NBPF9: variants seen among roughly 807,000 people sequenced by gnomAD.
The protein encoded by NBPF9 is NBPF family member NBPF9.
In NBPF9, 91 loss-of-function variants were observed where a neutral mutation model predicts 97.8. That is an observed-to-expected ratio of 0.93 (90% CI 0.79 to 1.11). The LOEUF (loss-of-function observed/expected upper bound fraction) is 1.11. Ranked by LOEUF, NBPF9 falls within the 50% of genes least tolerant of loss-of-function variation. The pLI, the probability that NBPF9 is intolerant of heterozygous loss-of-function variation, is 0.00. For synonymous variants in NBPF9, 334 were observed against 359.5 expected, an observed-to-expected ratio of 0.93 and a Z score of 0.80; for missense variants, 992 against 939.5, an observed-to-expected ratio of 1.06 and a Z score of -0.73.
exon 22 of NBPF9, chr1:149,062,154 G>A (rs1396857150): frequency 1.4e-5 from 14 of 1,001,012 alleles, no homozygotes; most frequent in Non-Finnish European, 2.2e-5. Context: ...CACTGCTGTA[G>A]GGCTGGCCTA....
intron 7 of NBPF9, among the ~76,000 whole-genome samples, chr1:149,080,779 AGAAT>A (rs2080361381): frequency 9.0e-6 from 1 of 111,572 alleles, no homozygotes; most frequent in African/African-American, 3.6e-5. Context: ...TAGAAACATC[AGAAT>A]GAAGAACTAA....
At position 149,070,557 on chromosome 1, in the gene NBPF9, A is replaced by C. The variant is rs587660085; in HGVS notation, c.1585+377T>G. ...GAAGCCTGGGGAACGATATTTCCAA[A>C]AACAAAGGCAAGGCTGCCAGCTTCC... On this transcript the variant is annotated intron_variant, in intron 16 of 29. Coordinates refer to ENST00000584027, the Ensembl canonical transcript of NBPF9. Among the ~76,000 whole-genome samples, 13 of 150,520 alleles carry C rather than the reference A, an allele frequency of 8.6e-5. No homozygotes were observed. In the East Asian group the frequency reaches 3.0e-3, roughly 35 times the overall value.
chr1:149,072,997 A>C, intron 13 of NBPF9, 65 bp from the exon 14 acceptor site: 13 of 1,556,322 alleles, frequency 8.4e-6, no homozygotes, highest in Non-Finnish European at 1.2e-5. Context: ...CAAATATTGC[A>C]ACAGAGATTT....
chr1:149,079,277 A>C, intron 8 of NBPF9, 56 bp from the exon 9 acceptor site: 7 of 1,237,952 alleles, frequency 5.7e-6, no homozygotes, highest in Non-Finnish European at 4.7e-6. Context: ...TGATCCGTTC[A>C]AATATTGCAA....
At chr1:149,061,964 A>G (rs2078622521) in intron 22 of NBPF9, 129 bp downstream of exon 22, 7 of 574,526 alleles carry the variant, frequency 1.2e-5, no homozygotes, top group South Asian at 9.6e-5. Context: ...ATTACAACCT[A>G]TATGCGCCCA....
intron 16 of NBPF9, among the ~76,000 whole-genome samples, chr1:149,070,648 A>G (rs1475818890): frequency 1.3e-5 from 2 of 151,756 alleles, no homozygotes; most frequent in African/African-American, 2.4e-5. Context: ...AGATGACAAG[A>G]GATACTGAAT....
chr1:149,086,153 C>A (rs1364573971), intron 5 of NBPF9, among the ~76,000 whole-genome samples: 1 of 149,644 alleles, frequency 6.7e-6, no homozygotes, highest in Non-Finnish European at 1.5e-5. Context: ...TCTATCATTC[C>A]GCGTTTGGGC....
At chr1:149,077,648 TAGG>T (rs1224173412) in intron 10 of NBPF9, among the ~76,000 whole-genome samples, 1 of 152,158 alleles carries the variant, frequency 6.6e-6, no homozygotes, top group African/African-American at 2.4e-5. Context: ...ACTGGACAGA[TAGG>T]AGCTGAGGAG....
At chr1:149,079,341 C>T (rs2080200057) in intron 8 of NBPF9, 120 bp from the exon 9 acceptor site, 1 of 1,108,250 alleles carries the variant, frequency 9.0e-7, no homozygotes, top group South Asian at 1.3e-5. Flanking sequence ...AAGGTCAGCA[C>T]ATGTTGAAAG....
At chr1:149,087,252 G>T (rs1553658818) in intron 5 of NBPF9, among the ~76,000 whole-genome samples, 1 of 148,964 alleles carries the variant, frequency 6.7e-6, no homozygotes, top group Non-Finnish European at 1.5e-5. Context: ...ATATATATGT[G>T]TGTGTGTGTG....
chr1:149,064,961 T>A (rs1575829544), intron 18 of NBPF9: 1 of 531,384 alleles, frequency 1.9e-6, no homozygotes, highest in Non-Finnish European at 3.3e-6. Context: ...CTTTTGTGGG[T>A]GAAAAGTCAG....
In NBPF9 at chr1:149,059,627, ACT is replaced by A. The variant is rs1490219751; in HGVS notation, c.2585+71_2585+72del. 2 of 540,382 alleles carry A rather than the reference ACT, an allele frequency of 3.7e-6. 1 individual carries two copies. Among genetic ancestry groups the A allele is most frequent in the Admixed American group, 5.1e-5 (2 of 39,148 alleles). The allele number at this position is 540,382 out of a possible 1,614,324, so 33.5% of individuals were successfully genotyped here. Reference sequence around the variant, plus strand: ...TCGTTGAAAACGTGACATCAAACACACTCTGGTTTCCCTGAATCTGTTGCCTC... The same window carrying A: ...TCGTTGAAAACGTGACATCAAACACACTGGTTTCCCTGAATCTGTTGCCTC... On this transcript the variant is annotated intron_variant, in intron 25 of 29. Coordinates refer to ENST00000584027, the Ensembl canonical transcript of NBPF9.
intron 18 of NBPF9, chr1:149,064,885 G>T: frequency 1.9e-6 from 1 of 527,056 alleles, no homozygotes; most frequent in Non-Finnish European, 3.4e-6. Context: ...TGATGAGGGG[G>T]TGCAATGAAC....
At chr1:149,074,745 A>G (rs1407803091) in intron 12 of NBPF9, among the ~76,000 whole-genome samples, 1 of 151,318 alleles carries the variant, frequency 6.6e-6, no homozygotes, top group Non-Finnish European at 1.5e-5. Context: ...TCTGTGCCCC[A>G]GGAAGCAGGA....
intron 17 of NBPF9, chr1:149,065,974 A>G (rs1264696645): frequency 1.7e-6 from 1 of 577,412 alleles, no homozygotes; most frequent in Non-Finnish European, 3.1e-6. Context: ...CTTGCAGCAC[A>G]GAGAACTGAC....
At chr1:149,068,038 G>T (rs1183856519) in intron 17 of NBPF9, among the ~76,000 whole-genome samples, 1 of 146,434 alleles carries the variant, frequency 6.8e-6, no homozygotes, top group Non-Finnish European at 1.5e-5. Context: ...AGCTTCATAA[G>T]TGAAGGAGAA....
chr1:149,062,313 C>G, intron 21 of NBPF9, 48 bp from the exon 22 acceptor site: 1 of 619,526 alleles, frequency 1.6e-6, no homozygotes. Context: ...GAATCAGAAA[C>G]CACACAGCCC....
intron 7 of NBPF9, among the ~76,000 whole-genome samples, chr1:149,080,814 C>T (rs1395502714): frequency 7.0e-6 from 1 of 143,168 alleles, no homozygotes; most frequent in Non-Finnish European, 1.5e-5. Context: ...TTACACTGTG[C>T]CAATTAATGT....
At chr1:149,099,620 A>C (rs1260883707) in intron 3 of NBPF9, among the ~76,000 whole-genome samples, 2 of 152,232 alleles carry the variant, frequency 1.3e-5, no homozygotes, top group African/African-American at 4.8e-5. Context: ...AACAATGAAT[A>C]CTATATTCAT....
Sources: gnomAD v4.1 joint callset for allele counts (sites outside exome capture counted in the v4.1 genomes callset) on GRCh38, gnomAD v4.1.1 for gene constraint, MANE v1.5 for transcripts, NCBI Gene and HGNC (gene_info 2026-07-23, HGNC 2026-07-21) for gene names.